The following LINC00305 variants were observed in gnomAD, a reference collection of about 807,000 sequenced individuals.
The protein encoded by LINC00305 is long independently transcribed non-coding RNA 305, also known as long intergenic non-protein coding RNA 305.
chr18:64,083,492 T>C (rs975378823), intron 3 of LINC00305, among the ~76,000 whole-genome samples: 1 of 152,224 alleles, frequency 6.6e-6, no homozygotes. Flanking sequence ...GTACGTGCTA[T>C]TAACTTTGAG....
chr18:64,097,522 A>G (rs2051249399), intron 3 of LINC00305, among the ~76,000 whole-genome samples: 1 of 152,080 alleles, frequency 6.6e-6, no homozygotes. Flanking sequence ...GTTTGAGCAC[A>G]AGGTGTCTTT....
At chr18:64,143,610 A>ACGTATTATGCGTACATG (rs1568120137) in intron 1 of LINC00305, among the ~76,000 whole-genome samples, 2 of 111,532 alleles carry the variant, frequency 1.8e-5, no homozygotes, top group African/African-American at 4.1e-5. Context: ...GTATATGTAC[A>ACGTATTATGCGTACATG]TATGTACACA....
intron 1 of LINC00305, among the ~76,000 whole-genome samples, chr18:64,124,281 G>A (rs1373801231): frequency 1.3e-5 from 2 of 152,068 alleles, no homozygotes. Context: ...ATGGCTGAAT[G>A]GCCAGCCTGC....
At chr18:64,088,718 T>C (rs193092037) in intron 3 of LINC00305, among the ~76,000 whole-genome samples, 3 of 152,370 alleles carry the variant, frequency 2.0e-5, no homozygotes, top group Non-Finnish European at 4.4e-5. Context: ...CCTCCTAAGA[T>C]ACTCAGAAAC....
In LINC00305 at chr18:64,098,014, G is replaced by C. The variant is rs75314025; in HGVS notation, n.379-19C>G. ...ATGGCTACTGAGATAAGGGACAGGA[G>C]AGTGGAGAGCAAGGTGGCAACAACT... On this transcript the variant is annotated intron_variant and non_coding_transcript_variant, in intron 2 of 3. Coordinates refer to ENST00000666468, the Ensembl canonical transcript of LINC00305. 2,188 of 457,728 alleles carry C rather than the reference G, an allele frequency of 4.8e-3. 30 individuals are homozygous for C. The highest frequency in any genetic ancestry group is 0.022 in the Admixed American group (954 of 42,580). 28.4% of individuals were successfully genotyped at this position (457,728 alleles called of 1,614,324 possible).
chr18:64,121,090 A>G (rs1355415978), intron 1 of LINC00305, among the ~76,000 whole-genome samples: 1 of 152,168 alleles, frequency 6.6e-6, no homozygotes, highest in African/African-American at 2.4e-5. Flanking sequence ...AAAATGGTAC[A>G]TGGAACATTT....
intron 1 of LINC00305, among the ~76,000 whole-genome samples, chr18:64,103,767 T>A (rs1330650212): frequency 1.3e-5 from 2 of 152,162 alleles, no homozygotes; most frequent in Non-Finnish European, 2.9e-5. Context: ...ATTTGTTCTT[T>A]TTGAGTTATT....
At chr18:64,091,026 G>A (rs2051222897) in intron 3 of LINC00305, among the ~76,000 whole-genome samples, 1 of 152,196 alleles carries the variant, frequency 6.6e-6, no homozygotes, top group African/African-American at 2.4e-5. Flanking sequence ...AAGAAAAGGA[G>A]GTATGTGCTG....
intron 1 of LINC00305, among the ~76,000 whole-genome samples, chr18:64,123,945 C>T (rs544068373): frequency 1.3e-5 from 2 of 152,078 alleles, no homozygotes; most frequent in African/African-American, 2.4e-5. Context: ...TCTCTCACCA[C>T]GTAATCTCTT....
intron 3 of LINC00305, among the ~76,000 whole-genome samples, chr18:64,082,571 G>T (rs1195602976): frequency 2.0e-5 from 3 of 152,184 alleles, no homozygotes; most frequent in Admixed American, 2.0e-4. Flanking sequence ...AGCTACAGTG[G>T]CAGAGACAGA....
rs116975824 is a variant in LINC00305 at position 64,094,658 on chromosome 18, T to A, written n.540+3176A>T. 4.0e-4 allele frequency among the ~76,000 whole-genome samples: 61 copies of A among 151,868 alleles called. No homozygotes were observed. In the East Asian group the frequency reaches 0.011, roughly 28 times the overall value. On this transcript the variant is annotated intron_variant and non_coding_transcript_variant, in intron 3 of 3. Transcript: ENST00000666468. ...GGGGCAGATCACCTGAAGTCAGGAG[T>A]TTAAGACCACCCTGGGCAACATGCC...
At chr18:64,128,952 G>C (rs1243516199) in intron 1 of LINC00305, among the ~76,000 whole-genome samples, 1 of 152,124 alleles carries the variant, frequency 6.6e-6, no homozygotes, top group Non-Finnish European at 1.5e-5. Context: ...TGAGTGGGCT[G>C]TCTTTTACAC....
rs1330830931 is a variant in LINC00305 at position 64,131,204 on chromosome 18, A to T, written n.314+17571T>A. Among the ~76,000 whole-genome samples, 8 of 152,320 alleles carry T rather than the reference A, an allele frequency of 5.3e-5. No individual in the cohort carries two copies. In the East Asian group the frequency reaches 1.5e-3, roughly 29 times the overall value. Reference sequence around the variant, plus strand: ...TGTGTTACTAAAAGAGTTTCTTTTTAAACAACTTGAATAATATTCATGACT... The same window carrying T: ...TGTGTTACTAAAAGAGTTTCTTTTTTAACAACTTGAATAATATTCATGACT... On this transcript the variant is annotated intron_variant and non_coding_transcript_variant, in intron 1 of 3. Transcript: ENST00000666468.
At chr18:64,106,242 C>A (rs1365092638) in intron 1 of LINC00305, among the ~76,000 whole-genome samples, 1 of 152,122 alleles carries the variant, frequency 6.6e-6, no homozygotes. Context: ...CCTCTGAATC[C>A]CCTTGCTCTT....
intron 3 of LINC00305, among the ~76,000 whole-genome samples, chr18:64,080,769 T>C (rs2051181929): frequency 6.6e-6 from 1 of 152,164 alleles, no homozygotes; most frequent in South Asian, 2.1e-4. Flanking sequence ...AAATATATAA[T>C]TGCATATTTA....
At chr18:64,116,547 C>T (rs946397455) in intron 1 of LINC00305, among the ~76,000 whole-genome samples, 14 of 151,988 alleles carry the variant, frequency 9.2e-5, no homozygotes, top group Non-Finnish European at 1.3e-4. Flanking sequence ...TATCAATTGT[C>T]ACTTTCTTTT....
chr18:64,142,223 G>A (rs1434180661), intron 1 of LINC00305, among the ~76,000 whole-genome samples: 1 of 152,168 alleles, frequency 6.6e-6, no homozygotes, highest in Non-Finnish European at 1.5e-5. Flanking sequence ...GTCTGTCTGG[G>A]TATGGAGACT....
intron 1 of LINC00305, among the ~76,000 whole-genome samples, chr18:64,148,538 T>C (rs998957573): frequency 5.3e-5 from 8 of 152,148 alleles, no homozygotes; most frequent in African/African-American, 1.9e-4. Context: ...GTTCCCTTTC[T>C]CTAGGCTGTC....
chr18:64,091,497 C>G (rs958184834), intron 3 of LINC00305, among the ~76,000 whole-genome samples: 3 of 152,124 alleles, frequency 2.0e-5, no homozygotes, highest in Non-Finnish European at 4.4e-5. Flanking sequence ...AAGTGTGGGC[C>G]CTTCTGTGTG....
Sources: allele counts gnomAD v4.1 joint callset (sites outside exome capture counted in the v4.1 genomes callset), GRCh38; gene constraint gnomAD v4.1.1; transcripts MANE v1.5; gene names NCBI Gene and HGNC (gene_info 2026-07-23, HGNC 2026-07-21).